Variants in SORCS2 observed in about 807,000 individuals in gnomAD.
SORCS2 encodes the protein VPS10 domain-containing receptor SorCS2.
A neutral mutation model predicts 141.6 loss-of-function variants in SORCS2; 100 were observed. The ratio of observed to expected loss-of-function variants is 0.71; its 90% confidence interval spans 0.60 to 0.83. SORCS2 has a LOEUF of 0.83. Among genes scored for constraint, SORCS2 ranks in the 40% least tolerant of loss-of-function variants. The pLI is 0.00. For synonymous variants in SORCS2, 789 were observed against 676.9 expected (o/e 1.17, Z -2.57); for missense variants, 1,646 against 1,560.2 (o/e 1.05, Z -0.93).
intron 2 of SORCS2, among the ~76,000 whole-genome samples, chr4:7,520,138 C>T (rs1041046605): frequency 2.6e-5 from 4 of 152,170 alleles, no homozygotes; most frequent in African/African-American, 4.8e-5. Flanking sequence ...TTGAGCCACT[C>T]GTACAGTTGC....
intron 2 of SORCS2, among the ~76,000 whole-genome samples, chr4:7,412,610 A>C (rs1162006862): frequency 6.6e-6 from 1 of 151,998 alleles, no homozygotes; most frequent in African/African-American, 2.4e-5. Flanking sequence ...TCAGCTGAGA[A>C]TCGTCTCTCA....
At chr4:7,315,188 G>A (rs149239127) in intron 1 of SORCS2, among the ~76,000 whole-genome samples, 86 of 152,198 alleles carry the variant, frequency 5.7e-4, no homozygotes, top group African/African-American at 1.9e-3. Flanking sequence ...CCTGAGCTTC[G>A]AGTGAGCCTC....
rs182012948 is a variant in SORCS2, at chr4:7,622,722, C to T, written c.649-15606C>T. On this transcript the variant is annotated intron_variant, in intron 3 of 26. Coordinates refer to ENST00000507866, the MANE Select transcript of SORCS2 (RefSeq NM_020777.3). ...TCTGGAAGAACCAGTGCTGATGCTT[C>T]TCACAGGAAACCAGAGCTTCAGGTC... Among the ~76,000 whole-genome samples, 763 of 152,312 alleles carry T rather than the reference C, an allele frequency of 5.0e-3. 2 individuals are homozygous for T. Among genetic ancestry groups the T allele is most frequent in the South Asian group, 0.011 (51 of 4,824 alleles).
At chr4:7,538,269 G>A (rs183276394) in intron 3 of SORCS2, among the ~76,000 whole-genome samples, 9 of 152,158 alleles carry the variant, frequency 5.9e-5, no homozygotes, top group East Asian at 3.9e-4. Flanking sequence ...TTTTTGTCTC[G>A]CCTGCAGCAG....
At position 7,305,786 on chromosome 4, in the gene SORCS2, G is replaced by A. The variant is rs551209818; in HGVS notation, c.481-90502G>A. On this transcript the variant is annotated intron_variant, in intron 1 of 26. Coordinates refer to ENST00000507866, the MANE Select transcript of SORCS2 (RefSeq NM_020777.3). ...GCAGAATCATTTGGAGGTGTCCCTGGGCTGGGCCCGGGCACGCCCATACTC... is the reference window on the plus strand; with the variant it reads ...GCAGAATCATTTGGAGGTGTCCCTGAGCTGGGCCCGGGCACGCCCATACTC... Among the ~76,000 whole-genome samples, 21 of 152,306 alleles carry A rather than the reference G, an allele frequency of 1.4e-4. No individual in the cohort carries two copies. In the South Asian group the frequency reaches 3.7e-3, roughly 27 times the overall value.
intron 18 of SORCS2, among the ~76,000 whole-genome samples, chr4:7,722,214 C>G (rs1013666174): frequency 6.6e-6 from 1 of 152,182 alleles, no homozygotes; most frequent in Non-Finnish European, 1.5e-5. Flanking sequence ...CATGCCTTCT[C>G]CTTCCCAGGA....
At chr4:7,470,152 A>G (rs77046449) in intron 2 of SORCS2, among the ~76,000 whole-genome samples, 27,905 of 151,942 alleles carry the variant, frequency 0.18, 2,596 homozygotes, top group Admixed American at 0.21. Context: ...GTGAGTTAAT[A>G]TATCTATCCA....
intron 3 of SORCS2, among the ~76,000 whole-genome samples, chr4:7,585,315 C>A (rs1372694903): frequency 1.3e-5 from 2 of 152,150 alleles, no homozygotes; most frequent in Non-Finnish European, 2.9e-5. Flanking sequence ...ACCAGTATCT[C>A]AAAACCCGCC....
intron 10 of SORCS2, among the ~76,000 whole-genome samples, 161 bp downstream of exon 10, chr4:7,683,050 C>A (rs1723630069): frequency 6.6e-6 from 1 of 152,212 alleles, no homozygotes. Context: ...AAATGAAACT[C>A]CTTGTTTTAC....
chr4:7,493,605 C>T (rs560416596), intron 2 of SORCS2, among the ~76,000 whole-genome samples: 85 of 152,256 alleles, frequency 5.6e-4, no homozygotes, highest in South Asian at 8.3e-4. Flanking sequence ...AGATAACCTC[C>T]GATTACCGGC....
intron 1 of SORCS2, among the ~76,000 whole-genome samples, chr4:7,381,011 G>A (rs553498264): frequency 3.0e-4 from 45 of 147,600 alleles, no homozygotes; most frequent in Non-Finnish European, 5.3e-4. Context: ...GAACCCGGGA[G>A]GCAGAGGTTT....
chr4:7,534,875 C>A (rs1379388837), intron 3 of SORCS2, among the ~76,000 whole-genome samples: 2 of 152,222 alleles, frequency 1.3e-5, no homozygotes, highest in Non-Finnish European at 2.9e-5. Flanking sequence ...TGATTTGTTG[C>A]AGCAGCCACA....
chr4:7,391,642 A>G (rs911101879), intron 1 of SORCS2, among the ~76,000 whole-genome samples: 1 of 152,194 alleles, frequency 6.6e-6, no homozygotes, highest in Non-Finnish European at 1.5e-5. Context: ...CTTCCCTGGA[A>G]TAAAGCGAGA....
intron 2 of SORCS2, among the ~76,000 whole-genome samples, chr4:7,489,376 G>A (rs949619393): frequency 1.3e-5 from 2 of 152,102 alleles, no homozygotes; most frequent in East Asian, 3.9e-4. Context: ...TTGATTTGCC[G>A]CTCCCTGTGT....
intron 1 of SORCS2, among the ~76,000 whole-genome samples, chr4:7,361,990 A>G (rs2109025166): frequency 6.6e-6 from 1 of 152,148 alleles, no homozygotes; most frequent in African/African-American, 2.4e-5. Context: ...GTCTATTCTC[A>G]TGTTTGAGAG....
At chr4:7,732,422 C>T (rs889423930) in intron 23 of SORCS2, among the ~76,000 whole-genome samples, 4 of 152,160 alleles carry the variant, frequency 2.6e-5, no homozygotes, top group African/African-American at 7.2e-5. Flanking sequence ...CCCTCCTCTG[C>T]GCCGGGCACC....
rs60434529 is a variant in SORCS2 at position 7,373,479 on chromosome 4, T to TATATATATATATATATA, written c.481-22809_481-22808insATATATATATATATATA. On this transcript the variant is annotated intron_variant, in intron 1 of 26. Coordinates refer to ENST00000507866, the MANE Select transcript of SORCS2 (RefSeq NM_020777.3). The stretch of plus-strand genomic sequence containing the variant: ...ACTTTTATATATATATATATATATA[T>TATATATATATATATATA]TTTTTTTTTTTTTTTTTTTTTTTTT... Among the ~76,000 whole-genome samples, 25 of 15,454 alleles carry TATATATATATATATATA rather than the reference T, an allele frequency of 1.6e-3. 1 individual carries two copies. The highest frequency in any genetic ancestry group is 2.9e-3 in the African/African-American group (18 of 6,234). The allele number at this position is 15,454 out of a possible 152,430, so 10.1% of individuals were successfully genotyped here.
At chr4:7,539,647 C>T (rs1384753092) in intron 3 of SORCS2, among the ~76,000 whole-genome samples, 1 of 135,982 alleles carries the variant, frequency 7.4e-6, no homozygotes, top group Non-Finnish European at 1.6e-5. Context: ...CTGCCTTCAG[C>T]CCTACAAACT....
At chr4:7,269,016 T>C (rs915383204) in intron 1 of SORCS2, among the ~76,000 whole-genome samples, 2 of 152,096 alleles carry the variant, frequency 1.3e-5, no homozygotes, top group African/African-American at 4.8e-5. Flanking sequence ...GCACATGGGC[T>C]GGGGCCTGGT....
Sources: allele counts gnomAD v4.1 joint callset (sites outside exome capture counted in the v4.1 genomes callset), GRCh38; gene constraint gnomAD v4.1.1; transcripts MANE v1.5; gene names NCBI Gene and HGNC (gene_info 2026-07-23, HGNC 2026-07-21).